AOPEP: variants seen among roughly 807,000 people sequenced by gnomAD.
AOPEP encodes the protein aminopeptidase O.
A neutral mutation model predicts 98.1 loss-of-function variants in AOPEP; 77 were observed. The ratio of observed to expected loss-of-function variants is 0.78; its 90% CI spans 0.65 to 0.95. AOPEP has a LOEUF of 0.95. AOPEP is among the 40% of genes least tolerant of loss of function. The pLI, the probability that AOPEP is intolerant of heterozygous loss-of-function variation, is 0.00. For missense variants in AOPEP, 1,024 were observed against 1,024.7 expected (o/e 1.00, Z 0.01); for synonymous variants, 346 against 365.3 (o/e 0.95, Z 0.60).
chr9:95,124,674 G>C, the AOPEP span, among the ~76,000 whole-genome samples: 1 of 152,208 alleles, frequency 6.6e-6, no homozygotes, highest in South Asian at 2.1e-4. Flanking sequence ...ATGTCCAGGA[G>C]TGCTTTGTAA....
chr9:95,058,209 A>G (rs978956065), intron 13 of AOPEP, among the ~76,000 whole-genome samples: 13 of 152,158 alleles, frequency 8.5e-5, no homozygotes, highest in Non-Finnish European at 1.6e-4. Context: ...AGCTGTATCT[A>G]TTGGTTAAAC....
chr9:94,869,057 C>G (rs141720276), intron 5 of AOPEP, among the ~76,000 whole-genome samples: 2 of 152,058 alleles, frequency 1.3e-5, no homozygotes, highest in Admixed American at 1.3e-4. Context: ...GGTGAAACCC[C>G]TTCTCTACTA....
downstream of AOPEP, among the ~76,000 whole-genome samples, chr9:95,089,482 G>A (rs1272067211): frequency 6.6e-6 from 1 of 152,216 alleles, no homozygotes; most frequent in Non-Finnish European, 1.5e-5. Context: ...CTGCCAAGTG[G>A]CAGGGTTTGA....
rs192106238 is a variant in AOPEP, at chr9:94,929,834, C to T, written c.1661+1303C>T. 7.2e-5 allele frequency among the ~76,000 whole-genome samples: 11 copies of T among 152,330 alleles called. No homozygotes were observed. The East Asian group carries it at 1.5e-3, about 21-fold the overall frequency. ...GATGTCCATACTAACTGGAGGGCGGCGCATAAGGAGGTGGGGAATTTCTCT... is the reference window on the plus strand; with the variant it reads ...GATGTCCATACTAACTGGAGGGCGGTGCATAAGGAGGTGGGGAATTTCTCT... On this transcript the variant is annotated intron_variant, in intron 7 of 16. Transcript: ENST00000375315.
chr9:95,101,695 C>G, the AOPEP span: 1 of 1,613,498 alleles, frequency 6.2e-7, no homozygotes, highest in East Asian at 2.2e-5. Context: ...ACCCACACGG[C>G]CTGCGTGCCT....
At position 95,075,299 on chromosome 9, in the gene AOPEP, T is replaced by C. The variant is rs117342441; in HGVS notation, c.2233-5395T>C. On this transcript the variant is annotated intron_variant, in intron 14 of 16. Coordinates refer to ENST00000375315, the MANE Select transcript of AOPEP (RefSeq NM_001193329.3). ...TATAATAAAATGTGAATATTTGAAG[T>C]GTACCATTTGATTACTTTTGGCATA... 8.6e-3 allele frequency among the ~76,000 whole-genome samples: 1,303 copies of C among 152,348 alleles called. 13 individuals are homozygous for C. Among genetic ancestry groups the C allele is most frequent in the Non-Finnish European group, 0.013 (878 of 68,030 alleles).
intron 7 of AOPEP, among the ~76,000 whole-genome samples, chr9:94,939,046 A>G (rs1441020260): frequency 6.6e-6 from 1 of 152,116 alleles, no homozygotes; most frequent in Non-Finnish European, 1.5e-5. Context: ...TCAGGAGTTC[A>G]AGACCAGCCT....
chr9:94,797,247 C>T (rs998768504), intron 4 of AOPEP, among the ~76,000 whole-genome samples: 1 of 152,144 alleles, frequency 6.6e-6, no homozygotes, highest in African/African-American at 2.4e-5. Context: ...TCCTGACCAA[C>T]ATGGTGAAAC....
intron 5 of AOPEP, among the ~76,000 whole-genome samples, chr9:94,811,819 C>T (rs754995814): frequency 2.0e-5 from 3 of 152,146 alleles, no homozygotes; most frequent in African/African-American, 4.8e-5. Flanking sequence ...CTAACCTTTC[C>T]GATGGTCCAG....
the AOPEP span, among the ~76,000 whole-genome samples, chr9:95,119,365 CTTTT>C: frequency 4.2e-5 from 6 of 141,272 alleles, no homozygotes; most frequent in Non-Finnish European, 9.2e-5. Flanking sequence ...TCTTCCTTTT[CTTTT>C]TTTTTTTTTT....
At chr9:94,828,748 C>T (rs1015285757) in intron 5 of AOPEP, among the ~76,000 whole-genome samples, 1 of 151,388 alleles carries the variant, frequency 6.6e-6, no homozygotes, top group Non-Finnish European at 1.5e-5. Flanking sequence ...TATATATATA[C>T]ACACACACAA....
intron 13 of AOPEP, among the ~76,000 whole-genome samples, chr9:95,009,881 T>C (rs2062361916): frequency 6.6e-6 from 1 of 152,036 alleles, no homozygotes; most frequent in African/African-American, 2.4e-5. Flanking sequence ...TTATAGTATC[T>C]AGTGGGCATT....
the AOPEP span, chr9:95,126,486 C>A: frequency 1.3e-6 from 2 of 1,577,592 alleles, no homozygotes; most frequent in Non-Finnish European, 8.7e-7. Context: ...GGAAATGGAA[C>A]CTTTTTTACA....
At chr9:95,033,548 G>T (rs1035728826) in intron 13 of AOPEP, among the ~76,000 whole-genome samples, 1 of 152,126 alleles carries the variant, frequency 6.6e-6, no homozygotes, top group Non-Finnish European at 1.5e-5. Context: ...TTTAGAAAAG[G>T]TTCCATTTCT....
chr9:94,746,882 C>A (rs72747025), intron 1 of AOPEP, among the ~76,000 whole-genome samples: 1,600 of 152,182 alleles, frequency 0.011, 23 homozygotes, highest in South Asian at 0.044. Context: ...CCCTCCCCCC[C>A]ACTTGACTGG....
chr9:95,094,796 G>T, the AOPEP span, among the ~76,000 whole-genome samples: 5 of 152,192 alleles, frequency 3.3e-5, no homozygotes, highest in African/African-American at 1.2e-4. Context: ...CTCCCGAGTA[G>T]CTGGGATTAC....
intron 3 of AOPEP, among the ~76,000 whole-genome samples, chr9:94,776,063 A>T (rs907956432): frequency 6.6e-6 from 1 of 152,100 alleles, no homozygotes; most frequent in Non-Finnish European, 1.5e-5. Flanking sequence ...AGAAGAACAA[A>T]GGACAAAGCA....
intron 11 of AOPEP, among the ~76,000 whole-genome samples, chr9:94,991,985 C>A (rs1167755767): frequency 1.3e-5 from 2 of 152,186 alleles, no homozygotes; most frequent in African/African-American, 4.8e-5. Context: ...CCCAAACAAA[C>A]AAACGAATGG....
intron 13 of AOPEP, among the ~76,000 whole-genome samples, chr9:95,041,446 G>GTGTGTGT (rs200579150): frequency 0.22 from 31,303 of 141,820 alleles, 3,682 homozygotes; most frequent in South Asian, 0.35. Context: ...AGTCCTTGGG[G>GTGTGTGT]GTGTGTGTGT....
Sources: gnomAD v4.1 joint callset for allele counts (sites outside exome capture counted in the v4.1 genomes callset) on GRCh38, gnomAD v4.1.1 for gene constraint, MANE v1.5 for transcripts, NCBI Gene and HGNC (gene_info 2026-07-23, HGNC 2026-07-21) for gene names.